Variants in SH3PXD2A observed in about 807,000 individuals in gnomAD.
The protein encoded by SH3PXD2A is SH3 and PX domain-containing protein 2A.
SH3PXD2A carries 32 observed loss-of-function variants against 115.2 expected under a neutral mutation model. The ratio of observed to expected loss-of-function variants is 0.28; its 90% CI spans 0.21 to 0.37. The LOEUF (loss-of-function observed/expected upper bound fraction) is 0.37. SH3PXD2A is among the 10% of genes least tolerant of loss of function. The pLI, the probability that SH3PXD2A is intolerant of heterozygous loss-of-function variation, is 1.00. For missense variants in SH3PXD2A, 1,328 were observed against 1,498.7 expected (o/e 0.89, Z 1.88); for synonymous variants, 610 against 629.1 (o/e 0.97, Z 0.45).
chr10:103,763,922 C>G (rs911692983), intron 3 of SH3PXD2A, among the ~76,000 whole-genome samples: 2 of 152,240 alleles, frequency 1.3e-5, no homozygotes, highest in African/African-American at 2.4e-5. Context: ...AGAGGCTAGA[C>G]TTAGCTGAAC....
chr10:103,804,314 C>CT (rs58737094), intron 1 of SH3PXD2A, among the ~76,000 whole-genome samples: 7,136 of 59,544 alleles, frequency 0.12, 806 homozygotes, highest in African/African-American at 0.23. Flanking sequence ...TTGACATCAT[C>CT]TTTTTTTTTT....
At chr10:103,626,661 C>T (rs984066029) in intron 9 of SH3PXD2A, among the ~76,000 whole-genome samples, 1 of 151,388 alleles carries the variant, frequency 6.6e-6, no homozygotes, top group Non-Finnish European at 1.5e-5. Context: ...GTGCGGTGGC[C>T]CACACCTGTA....
At chr10:103,704,440 G>A (rs11191776) in intron 5 of SH3PXD2A, among the ~76,000 whole-genome samples, 30,458 of 152,162 alleles carry the variant, frequency 0.2, 3,184 homozygotes, top group South Asian at 0.26. Flanking sequence ...AGCACTGGGG[G>A]TGGCAGAGCT....
intron 2 of SH3PXD2A, among the ~76,000 whole-genome samples, chr10:103,788,324 G>A (rs560243206): frequency 2.0e-5 from 3 of 152,266 alleles, no homozygotes; most frequent in African/African-American, 7.2e-5. Context: ...GGCAGGCCAA[G>A]GCGCAAACCC....
At chr10:103,660,834 G>A (rs2037284857) in intron 8 of SH3PXD2A, 149 bp downstream of exon 8, 1 of 834,654 alleles carries the variant, frequency 1.2e-6, no homozygotes, top group Admixed American at 2.1e-5. Flanking sequence ...CAAACCAACA[G>A]GGGGAAACTT....
intron 1 of SH3PXD2A, among the ~76,000 whole-genome samples, chr10:103,812,967 A>ATG (rs1011210562): frequency 6.6e-6 from 1 of 152,114 alleles, no homozygotes; most frequent in Non-Finnish European, 1.5e-5. Flanking sequence ...GTGTGTATAT[A>ATG]TGTGTGTGTG....
chr10:103,790,194 G>A (rs556605316), intron 2 of SH3PXD2A, among the ~76,000 whole-genome samples: 4 of 150,152 alleles, frequency 2.7e-5, no homozygotes, highest in Admixed American at 6.7e-5. Flanking sequence ...TCGCTGTGTC[G>A]CCCAGGCTGG....
At position 103,855,121 on chromosome 10, in the gene SH3PXD2A, G is replaced by A. The variant is rs532292757; in HGVS notation, c.72+74C>T. The A allele has an allele frequency of 4.1e-5, 44 of 1,074,450 alleles. No homozygotes were observed. In the South Asian group the frequency reaches 5.5e-4, roughly 13 times the overall value. 66.6% of individuals were successfully genotyped at this position (1,074,450 alleles called of 1,614,324 possible). A position where few individuals can be genotyped will look rare whatever the true frequency, so the allele number is the denominator to read the frequency against. On this transcript the variant is annotated intron_variant, in intron 1 of 14. Transcript: ENST00000369774. ...TAGCTTCGCGACCTCACAGCTGGGA[G>A]GGGCAAGGGGCCATCCGGGGCCCTC...
chr10:103,814,015 A>C (rs1185887416), intron 1 of SH3PXD2A, among the ~76,000 whole-genome samples: 2 of 134,254 alleles, frequency 1.5e-5, no homozygotes, highest in African/African-American at 5.8e-5. Context: ...AAAAAAAAAA[A>C]CAACAAAAAA....
At chr10:103,624,422 GACAGAGGTAACAC>G (rs2036659099) in intron 9 of SH3PXD2A, among the ~76,000 whole-genome samples, 1 of 152,206 alleles carries the variant, frequency 6.6e-6, no homozygotes, top group South Asian at 2.1e-4. Context: ...CCGAGGGCTT[GACAGAGGTAACAC>G]ACCTCTCCTG....
intron 1 of SH3PXD2A, among the ~76,000 whole-genome samples, chr10:103,811,794 C>A (rs2039273770): frequency 6.6e-6 from 1 of 152,190 alleles, no homozygotes; most frequent in Non-Finnish European, 1.5e-5. Context: ...AGTTTAAAAT[C>A]AATCGGATCA....
chr10:103,617,368 C>A, intron 10 of SH3PXD2A, 54 bp from the exon 11 acceptor site: 1 of 1,252,248 alleles, frequency 8.0e-7, no homozygotes, highest in South Asian at 1.2e-5. Flanking sequence ...GCAGGTCCTG[C>A]TTCCTGTCCC....
chr10:103,602,238 A>G lies in SH3PXD2A; in HGVS notation c.2980T>C (p.Ser994Pro), dbSNP rs968999172. 3.1e-6 allele frequency: 5 copies of G among 1,608,524 alleles called. No homozygotes were observed. The highest frequency in any genetic ancestry group is 3.4e-6 in the Non-Finnish European group (4 of 1,177,492). The part of the protein sequence containing the change: ...VSPPPKDNNL[S>P]CALRRNESLT... Reference sequence around the variant, plus strand: ...GACTCATTCCTCCGCAGGGCGCAGGACAGGTTGTTGTCCTTGGGTGGCGGG... The same window carrying G: ...GACTCATTCCTCCGCAGGGCGCAGGGCAGGTTGTTGTCCTTGGGTGGCGGG... The change falls in exon 15 of 15, where the codon TCC (serine) becomes CCC (proline). Residue 994 changes from serine (S) to proline (P), a missense_variant. Physicochemically the swap from Ser to Pro is moderately conservative, Grantham distance 74. Transcript: ENST00000369774.
chr10:103,748,399 G>T (rs867141565), intron 3 of SH3PXD2A, among the ~76,000 whole-genome samples: 12 of 152,120 alleles, frequency 7.9e-5, no homozygotes, highest in African/African-American at 2.9e-4. Context: ...GCAACCTGTG[G>T]CCAGCTTTCC....
chr10:103,704,096 C>T (rs995801804), intron 5 of SH3PXD2A, among the ~76,000 whole-genome samples: 1 of 152,356 alleles, frequency 6.6e-6, no homozygotes, highest in Middle Eastern at 3.4e-3. Context: ...TCCAGCTCCA[C>T]CTGCCAGTCA....
intron 6 of SH3PXD2A, among the ~76,000 whole-genome samples, chr10:103,672,989 G>T (rs1432974326): frequency 1.3e-5 from 2 of 152,168 alleles, no homozygotes; most frequent in Admixed American, 6.5e-5. Context: ...GGACCCAAAG[G>T]TACTTAGATG....
Position 103,847,354 on chromosome 10 carries a change from C to T in SH3PXD2A, c.72+7841G>A, listed in dbSNP as rs1054700016. 6.6e-5 allele frequency among the ~76,000 whole-genome samples: 10 copies of T among 151,982 alleles called. No homozygotes were observed. In the South Asian group the frequency reaches 8.3e-4, roughly 13 times the overall value. ...TTTGAGACAGGGTCTCACTCTGTCA[C>T]CCAGGCTGGAGTGCAGTGGTGTGAT... is the stretch of plus-strand genomic sequence containing the variant. On this transcript the variant is annotated intron_variant, in intron 1 of 14. Transcript: ENST00000369774.
intron 6 of SH3PXD2A, among the ~76,000 whole-genome samples, chr10:103,677,383 G>A (rs2037550539): frequency 1.3e-5 from 2 of 152,154 alleles, no homozygotes; most frequent in Admixed American, 1.3e-4. Flanking sequence ...GGGAGGAGAC[G>A]GCAGGGCTGA....
chr10:103,670,885 G>A (rs868034167), intron 6 of SH3PXD2A, among the ~76,000 whole-genome samples: 1 of 152,234 alleles, frequency 6.6e-6, no homozygotes, highest in Non-Finnish European at 1.5e-5. Context: ...TTGCTGCCTG[G>A]TGCCCACATC....
Sources: allele counts gnomAD v4.1 joint callset (sites outside exome capture counted in the v4.1 genomes callset), GRCh38; gene constraint gnomAD v4.1.1; transcripts MANE v1.5; gene names NCBI Gene and HGNC (gene_info 2026-07-23, HGNC 2026-07-21).